RRP1: variants seen among roughly 807,000 people sequenced by gnomAD.
The protein encoded by RRP1 is ribosomal RNA processing 1.
In RRP1, 37 loss-of-function variants were observed where a neutral mutation model predicts 54.6. The ratio of observed to expected loss-of-function variants is 0.68; its 90% CI spans 0.52 to 0.89. RRP1 has a LOEUF of 0.89. Among genes scored for constraint, RRP1 ranks in the 40% least tolerant of loss-of-function variants. RRP1 has a pLI of 0.00. For missense variants in RRP1, 639 were observed against 612.5 expected (o/e 1.04, Z -0.46); for synonymous variants, 262 against 244.3 (o/e 1.07, Z -0.67).
At chr21:43,801,717 A>C (rs1425152948) in intron 11 of RRP1, among the ~76,000 whole-genome samples, 1 of 152,126 alleles carries the variant, frequency 6.6e-6, no homozygotes, top group African/African-American at 2.4e-5. Context: ...AGCGCGCGTC[A>C]GTGAGGTGCG....
intron 5 of RRP1, 74 bp from the exon 6 acceptor site, chr21:43,797,348 A>G (rs964637261): frequency 3.3e-6 from 5 of 1,537,804 alleles, no homozygotes; most frequent in African/African-American, 2.7e-5. Context: ...GCGTGTAACC[A>G]TGGGAGAGTG....
At position 43,797,627 on chromosome 21, in the gene RRP1, G is replaced by A. The variant is rs537306236; in HGVS notation, c.553-4G>A. The A allele has an allele frequency of 6.4e-5, 103 of 1,614,190 alleles. No homozygotes were observed. The East Asian group carries it at 1.2e-3, about 18-fold the overall frequency. ...AACTGAGCTCCCGCTGGCTTTCCCC[G>A]TAGCTTACGGCAGACCAGAACCTGA... On this transcript the variant is annotated splice_region_variant and splice_polypyrimidine_tract_variant and intron_variant, in intron 6 of 12. Coordinates refer to ENST00000497547, the MANE Select transcript of RRP1 (RefSeq NM_003683.6).
chr21:43,799,659 C>T lies in RRP1; in HGVS notation c.891+10C>T, dbSNP rs1216870648. ...CGGCCCCGTTCTCCAGGTGGGTTCC[C>T]TGGGCTCATGGCTGTGCCCTCAGCC... On this transcript the variant is annotated intron_variant, in intron 9 of 12. Coordinates refer to ENST00000497547, the MANE Select transcript of RRP1 (RefSeq NM_003683.6). 6.2e-7 allele frequency: 1 copy of T among 1,605,690 alleles called. No homozygotes were observed. Among genetic ancestry groups the T allele is most frequent in the African/African-American group, 1.3e-5 (1 of 74,970 alleles).
At chr21:43,797,751 G>A in intron 7 of RRP1, 56 bp downstream of exon 7, 1 of 1,601,154 alleles carries the variant, frequency 6.2e-7, no homozygotes. Context: ...CTTCCATGGG[G>A]CTGCTGTTGT....
chr21:43,802,053 G>C (rs142845041), intron 11 of RRP1, among the ~76,000 whole-genome samples: 91 of 152,268 alleles, frequency 6.0e-4, no homozygotes, highest in Non-Finnish European at 9.6e-4. Context: ...CCTGTGTCCT[G>C]GATGCTCCAG....
At chr21:43,802,609 C>A in intron 12 of RRP1, 2 of 529,664 alleles carry the variant, frequency 3.8e-6, no homozygotes, top group South Asian at 3.9e-5. Flanking sequence ...GCAGCTCCCC[C>A]GAGCTGTGTG....
chr21:43,799,638 C>A lies in RRP1; in HGVS notation c.880C>A (p.Pro294Thr). ...QAGDDRDSGG[P>T]VLQFDYEAVA... ...AGGTGACGACAGGGACAGTGGCGGC[C>A]CCGTTCTCCAGGTGGGTTCCCTGGG... is the stretch of plus-strand genomic sequence containing the variant. Residue 294 changes from proline to threonine, a missense_variant, in exon 9 of 13, where the codon CCC (proline) becomes ACC (threonine). Coordinates refer to ENST00000497547, the MANE Select transcript of RRP1 (RefSeq NM_003683.6). 1.2e-6 allele frequency: 2 copies of A among 1,610,542 alleles called. No homozygotes were observed. Among genetic ancestry groups the A allele is most frequent in the Non-Finnish European group, 1.7e-6 (2 of 1,179,480 alleles).
chr21:43,793,775 C>T (rs2084985494), intron 4 of RRP1, among the ~76,000 whole-genome samples: 2 of 152,196 alleles, frequency 1.3e-5, no homozygotes, highest in South Asian at 4.1e-4. Flanking sequence ...TAGCATGAGC[C>T]CTGGAGTGCT....
chr21:43,802,411 C>T, intron 12 of RRP1, 24 bp downstream of exon 12: 1 of 1,593,730 alleles, frequency 6.3e-7, no homozygotes, highest in Middle Eastern at 1.7e-4. Context: ...GTGTGTTAGT[C>T]ATGGAGCCGG....
Position 43,789,644 on chromosome 21 carries a change from G to A in RRP1, c.15G>A (p.Val5=). The A allele has an allele frequency of 6.3e-7, 1 of 1,584,796 alleles. No homozygotes were observed. The highest frequency in any genetic ancestry group is 8.6e-7 in the Non-Finnish European group (1 of 1,167,124). MVSR[V]QLPPEIQLAQ... Reference sequence around the variant, plus strand: ...CCGTCGGCGTCATGGTTTCGCGCGTGCAGCTCCCGCCTGAGATCCAGCTGG... The same window carrying A: ...CCGTCGGCGTCATGGTTTCGCGCGTACAGCTCCCGCCTGAGATCCAGCTGG... Residue 5 remains valine (V), a synonymous_variant, in exon 1 of 13, where the codon GTG becomes GTA. Transcript: ENST00000497547.
At chr21:43,791,130 G>A in intron 1 of RRP1, 1 of 626,632 alleles carries the variant, frequency 1.6e-6, no homozygotes, top group Middle Eastern at 3.0e-4. Flanking sequence ...TTTACTGTGT[G>A]CGTGAAGTAG....
chr21:43,794,758 C>T (rs1014769239), intron 4 of RRP1, among the ~76,000 whole-genome samples: 6 of 152,254 alleles, frequency 3.9e-5, no homozygotes, highest in African/African-American at 1.4e-4. Flanking sequence ...CTGCCCGTTG[C>T]GGGGGGTTTG....
intron 4 of RRP1, among the ~76,000 whole-genome samples, chr21:43,793,972 G>A (rs1019427960): frequency 6.6e-5 from 10 of 152,148 alleles, no homozygotes; most frequent in African/African-American, 2.4e-4. Flanking sequence ...GAACCATGAG[G>A]TCTCGTTACT....
intron 1 of RRP1, among the ~76,000 whole-genome samples, chr21:43,790,295 G>A (rs968242769): frequency 2.0e-5 from 3 of 152,230 alleles, no homozygotes; most frequent in Non-Finnish European, 4.4e-5. Context: ...CGGGCGCAGT[G>A]GCCCAAGCCT....
At chr21:43,796,961 GTCCTCGGC>G in intron 5 of RRP1, among the ~76,000 whole-genome samples, 4 of 152,322 alleles carry the variant, frequency 2.6e-5, no homozygotes, top group Admixed American at 2.6e-4. Flanking sequence ...GTGGCTCATG[GTCCTCGGC>G]CCCTTTCTGG....
chr21:43,802,262 C>T lies in RRP1; in HGVS notation c.1010-12C>T. ...CCCCCGAGAGCCCCCTGACTTCTGCCCTGGTTCTCAGGCATTTTCCCTGAA... is the reference window on the plus strand; with the variant it reads ...CCCCCGAGAGCCCCCTGACTTCTGCTCTGGTTCTCAGGCATTTTCCCTGAA... On this transcript the variant is annotated splice_polypyrimidine_tract_variant and intron_variant, in intron 11 of 12. Transcript: ENST00000497547. The T allele has an allele frequency of 6.2e-7, 1 of 1,608,210 alleles. No homozygotes were observed. Among genetic ancestry groups the T allele is most frequent in the Non-Finnish European group, 8.5e-7 (1 of 1,175,450 alleles).
At position 43,791,360 on chromosome 21, in the gene RRP1, G is replaced by C; in HGVS notation, c.144G>C (p.Thr48=). 2 of 1,613,948 alleles carry C rather than the reference G, an allele frequency of 1.2e-6. No homozygotes were observed. The highest frequency in any genetic ancestry group is 8.5e-7 in the Non-Finnish European group (1 of 1,179,888). Residue 48 remains threonine, a synonymous_variant, in exon 2 of 13, where the codon ACG becomes ACC. Transcript: ENST00000497547. The part of the protein sequence containing the change: ...ARTQRAAGGF[T]HDELLKVWKG... ...GCTGTTTTGATGCAGGTGGTTTTAC[G>C]CACGACGAGCTGCTGAAGGTGTGGA...
intron 5 of RRP1, among the ~76,000 whole-genome samples, chr21:43,796,191 G>C (rs980092420): frequency 6.6e-6 from 1 of 151,922 alleles, no homozygotes; most frequent in African/African-American, 2.4e-5. Flanking sequence ...AGTTTCTCTA[G>C]GTTTGAGTTG....
intron 5 of RRP1, among the ~76,000 whole-genome samples, chr21:43,797,074 C>A (rs1375042083): frequency 6.6e-6 from 1 of 152,182 alleles, no homozygotes; most frequent in East Asian, 1.9e-4. Flanking sequence ...GGCAGGGCGT[C>A]TCGTCTCAGC....
Sources: allele counts gnomAD v4.1 joint callset (sites outside exome capture counted in the v4.1 genomes callset), GRCh38; gene constraint gnomAD v4.1.1; transcripts MANE v1.5; gene names NCBI Gene and HGNC (gene_info 2026-07-23, HGNC 2026-07-21).